The following AKNA variants were observed in gnomAD, a reference collection of about 807,000 sequenced individuals.
The protein encoded by AKNA is microtubule organization protein AKNA.
Under a neutral mutation model 138.8 loss-of-function variants are expected in AKNA, and 67 were observed. That is an observed-to-expected ratio of 0.48 (90% confidence interval 0.40 to 0.59). The LOEUF is 0.59. AKNA is among the 20% of genes least tolerant of loss of function. The pLI is 0.00. For missense variants in AKNA, 1,813 were observed against 1,880.4 expected, an observed-to-expected ratio of 0.96 and a Z score of 0.66; for synonymous variants, 737 against 754.4, an observed-to-expected ratio of 0.98 and a Z score of 0.38.
At chr9:114,376,364 AC>A in intron 3 of AKNA, 101 bp downstream of exon 3, 2 of 1,011,100 alleles carry the variant, frequency 2.0e-6, no homozygotes, top group Non-Finnish European at 2.7e-6. Context: ...AGGCCTCTCC[AC>A]CCCAGCCAGC....
At position 114,381,259 on chromosome 9, in the gene AKNA, G is replaced by A. The variant is rs776145596; in HGVS notation, c.75C>T (p.Ala25=). 11 of 1,613,728 alleles carry A rather than the reference G, an allele frequency of 6.8e-6. No homozygotes were observed. Among genetic ancestry groups the A allele is most frequent in the Non-Finnish European group, 9.3e-6 (11 of 1,179,870 alleles). Reference sequence around the variant, plus strand: ...CCACATCCCTCTTGTCCTCGGCCCAGGCCCAGCGCCGCCGCTGGGGGCCCT... The same window carrying A: ...CCACATCCCTCTTGTCCTCGGCCCAAGCCCAGCGCCGCCGCTGGGGGCCCT... ...LGKGPQRRRW[A]WAEDKRDVDR... The change falls in exon 2 of 22, where the codon GCC becomes GCT. Residue 25 remains alanine, a synonymous_variant. Transcript: ENST00000374088.
intron 4 of AKNA, 79 bp downstream of exon 4, chr9:114,374,014 G>T: frequency 7.0e-7 from 1 of 1,435,076 alleles, no homozygotes. Flanking sequence ...GGAGGCAGTG[G>T]CCTTTCTCTA....
At chr9:114,374,316 C>A in intron 3 of AKNA, 149 bp from the exon 4 acceptor site, 1 of 790,794 alleles carries the variant, frequency 1.3e-6, no homozygotes, top group Non-Finnish European at 2.1e-6. Context: ...GCTGAGCAAT[C>A]TTCAGGCTTG....
chr9:114,367,633 C>G lies in AKNA; in HGVS notation c.1638G>C (p.Trp546Cys), dbSNP rs769288277. The change falls in exon 6 of 22, where the codon TGG becomes TGC. Residue 546 changes from tryptophan to cysteine, a missense_variant. By Grantham distance (215) the Trp-to-Cys change is radical. Transcript: ENST00000374088. ...SSLTSMPTLG[W>C]LPENRDISED... The stretch of plus-strand genomic sequence containing the variant: ...CAGAGATGTCCCGGTTCTCCGGAAG[C>G]CACCCCAGGGTGGGCATGCTGGTAA... The G allele has an allele frequency of 1.9e-6, 3 of 1,604,982 alleles. No individual in the cohort carries two copies. Among genetic ancestry groups the G allele is most frequent in the Non-Finnish European group, 2.6e-6 (3 of 1,172,924 alleles).
chr9:114,384,457 G>C (rs1346572612), intron 1 of AKNA, among the ~76,000 whole-genome samples: 1 of 152,100 alleles, frequency 6.6e-6, no homozygotes, highest in Non-Finnish European at 1.5e-5. Flanking sequence ...CTTAATGACA[G>C]TTTGAACCAC....
intron 1 of AKNA, among the ~76,000 whole-genome samples, chr9:114,381,924 C>T (rs923833759): frequency 1.3e-5 from 2 of 152,126 alleles, no homozygotes; most frequent in African/African-American, 4.8e-5. Flanking sequence ...GCTGGGATTA[C>T]AGGTGTGAGC....
intron 4 of AKNA, among the ~76,000 whole-genome samples, chr9:114,370,151 C>T (rs1436793875): frequency 2.0e-5 from 3 of 152,250 alleles, no homozygotes; most frequent in East Asian, 1.9e-4. Context: ...GTATAGGTCC[C>T]GGCTGTAGCC....
At position 114,334,732 on chromosome 9, in the gene AKNA, C is replaced by T. The variant is rs1302592051; in HGVS notation, c.*2322G>A. The T allele has an allele frequency of 1.4e-5, 2 of 146,552 alleles. No individual in the cohort carries two copies. Among genetic ancestry groups the T allele is most frequent in the Non-Finnish European group, 2.9e-5 (2 of 67,896 alleles). The allele number at this position is 146,552 out of a possible 1,614,324, so 9.1% of individuals were successfully genotyped here. On this transcript the variant is annotated 3_prime_UTR_variant, in exon 22 of 22. Transcript: ENST00000374088. Reference sequence around the variant, plus strand: ...GGCCTGAATTGTTTGAGCAATTCCACGTGTGCAGCTGCGTATACCATCCAG... The same window carrying T: ...GGCCTGAATTGTTTGAGCAATTCCATGTGTGCAGCTGCGTATACCATCCAG...
At chr9:114,389,847 G>C (rs983674677), upstream of AKNA, among the ~76,000 whole-genome samples, 1 of 152,178 alleles carries the variant, frequency 6.6e-6, no homozygotes, top group South Asian at 2.1e-4. Flanking sequence ...GCCAGGGCTA[G>C]AACCAGGAGC....
In AKNA at chr9:114,336,951, G is replaced by A. The variant is rs1484464345; in HGVS notation, c.*103C>T. The A allele has an allele frequency of 2.0e-5, 27 of 1,372,310 alleles. No homozygotes were observed. 85.0% of individuals were successfully genotyped at this position (1,372,310 alleles called of 1,614,324 possible). A position where few individuals can be genotyped will look rare whatever the true frequency, so the allele number is the denominator to read the frequency against. ...GCTGGAGGGAGACCCTCCTGGTGAG[G>A]AACTATGCGGGCCTTCTGGGCCTCA... On this transcript the variant is annotated 3_prime_UTR_variant, in exon 22 of 22. Coordinates refer to ENST00000374088, the MANE Select transcript of AKNA (RefSeq NM_001317950.2).
At chr9:114,369,403 G>A (rs1254525776) in intron 4 of AKNA, among the ~76,000 whole-genome samples, 1 of 152,198 alleles carries the variant, frequency 6.6e-6, no homozygotes, top group Non-Finnish European at 1.5e-5. Context: ...TTGAGTAGTT[G>A]TGACAGAGAC....
chr9:114,373,040 C>CCGGAAGT (rs1346785280), intron 4 of AKNA, among the ~76,000 whole-genome samples: 1 of 151,284 alleles, frequency 6.6e-6, no homozygotes, highest in Non-Finnish European at 1.5e-5. Context: ...CCCACCTGCC[C>CCGGAAGT]CGGAAGTGCC....
upstream of AKNA, among the ~76,000 whole-genome samples, chr9:114,392,923 G>A (rs1053644264): frequency 6.6e-6 from 1 of 152,210 alleles, no homozygotes; most frequent in Non-Finnish European, 1.5e-5. Flanking sequence ...TGAGATAAGG[G>A]TTATGAGGAG....
Position 114,359,470 on chromosome 9 carries a change from G to A in AKNA, c.2492+124C>T, listed in dbSNP as rs559802282. ...TATCAGTGGTATACATTCCACACTT[G>A]AAGAGGCAGGACAGGTAAGCCATGT... On this transcript the variant is annotated intron_variant, in intron 11 of 21. Coordinates refer to ENST00000374088, the MANE Select transcript of AKNA (RefSeq NM_001317950.2). The A allele has an allele frequency of 3.9e-6, 6 of 1,556,962 alleles. No homozygotes were observed. The South Asian group carries it at 7.3e-5, about 19-fold the overall frequency.
At chr9:114,392,292 G>T (rs1217259328), upstream of AKNA, among the ~76,000 whole-genome samples, 3 of 152,162 alleles carry the variant, frequency 2.0e-5, no homozygotes, top group Non-Finnish European at 4.4e-5. Flanking sequence ...TAATGAGATT[G>T]TCTCTGAGGT....
chr9:114,331,869 C>G (rs142563384), downstream of AKNA: 16 of 1,613,706 alleles, frequency 9.9e-6, no homozygotes, highest in African/African-American at 1.3e-5. Context: ...GAGAGTTCTA[C>G]GAAGCTCTCG....
At position 114,356,935 on chromosome 9, in the gene AKNA, C is replaced by T; in HGVS notation, c.2774G>A (p.Gly925Asp). The T allele has an allele frequency of 6.3e-7, 1 of 1,577,532 alleles. No individual in the cohort carries two copies. Residue 925 changes from glycine to aspartate, a missense_variant, in exon 13 of 22, where the codon GGC (glycine) becomes GAC (aspartate). By Grantham distance (94) the Gly-to-Asp change is moderately conservative. Transcript: ENST00000374088. ...TWMASPETDS[G>D]FVGSETSRVS... is the part of the protein sequence containing the mutation. ...TCTGCTTGTTTCTGAGCCCACAAAG[C>T]CACTGTCTGTCTCTGGGGACGCCAT...
At chr9:114,351,450 CTT>C (rs1249224037) in intron 14 of AKNA, among the ~76,000 whole-genome samples, 2 of 152,152 alleles carry the variant, frequency 1.3e-5, no homozygotes, top group East Asian at 3.8e-4. Context: ...GCATTAATAA[CTT>C]TTAACGAATC....
At chr9:114,343,219 A>T (rs1368724943) in intron 19 of AKNA, among the ~76,000 whole-genome samples, 2 of 152,230 alleles carry the variant, frequency 1.3e-5, no homozygotes, top group East Asian at 3.8e-4. Flanking sequence ...TTGCTTGAAA[A>T]GTCCTAGAGA....
Sources: allele counts gnomAD v4.1 joint callset (sites outside exome capture counted in the v4.1 genomes callset), GRCh38; gene constraint gnomAD v4.1.1; transcripts MANE v1.5; gene names NCBI Gene and HGNC (gene_info 2026-07-23, HGNC 2026-07-21).